HPSE2: variants seen among roughly 807,000 people sequenced by gnomAD.
HPSE2 encodes the protein heparanase 2 (inactive).
A neutral mutation model predicts 60.5 loss-of-function variants in HPSE2; 38 were observed. That is an observed-to-expected ratio of 0.63 (90% CI 0.48 to 0.82). HPSE2 has a LOEUF of 0.82. Among genes scored for constraint, HPSE2 ranks in the 40% least tolerant of loss-of-function variants. The pLI, the probability that HPSE2 is intolerant of heterozygous loss-of-function variation, is 0.00. For synonymous variants in HPSE2, 295 were observed against 293.2 expected (o/e 1.01, Z -0.06); for missense variants, 713 against 740.4 (o/e 0.96, Z 0.43).
chr10:99,033,262 G>A (rs1957537473), intron 3 of HPSE2, among the ~76,000 whole-genome samples: 1 of 151,958 alleles, frequency 6.6e-6, no homozygotes, highest in Non-Finnish European at 1.5e-5. Flanking sequence ...TTTCCTTTTG[G>A]GGGGAGATTA....
At chr10:98,473,825 G>A (rs936559286) in intron 11 of HPSE2, among the ~76,000 whole-genome samples, 1 of 152,200 alleles carries the variant, frequency 6.6e-6, no homozygotes, top group Non-Finnish European at 1.5e-5. Context: ...AATCAGAGCT[G>A]TCTAGTCCTA....
intron 4 of HPSE2, among the ~76,000 whole-genome samples, chr10:98,729,533 T>C (rs1242077971): frequency 2.0e-5 from 3 of 152,130 alleles, no homozygotes; most frequent in Non-Finnish European, 2.9e-5. Flanking sequence ...GGCGTGAACC[T>C]GATAGGTGGA....
At chr10:98,505,740 G>T (rs150456123) in intron 9 of HPSE2, among the ~76,000 whole-genome samples, 1 of 151,994 alleles carries the variant, frequency 6.6e-6, no homozygotes, top group African/African-American at 2.4e-5. Flanking sequence ...ATATTTTTCC[G>T]TATGGATAGT....
chr10:98,925,474 A>C (rs998327167), intron 3 of HPSE2, among the ~76,000 whole-genome samples: 1 of 152,058 alleles, frequency 6.6e-6, no homozygotes, highest in Non-Finnish European at 1.5e-5. Context: ...TTCACACCAA[A>C]GGGAGGCTCC....
chr10:98,848,313 GA>G, intron 3 of HPSE2, among the ~76,000 whole-genome samples: 1 of 152,162 alleles, frequency 6.6e-6, no homozygotes, highest in Middle Eastern at 3.4e-3. Flanking sequence ...AGCTACTCAG[GA>G]AGCTGAGGCA....
chr10:98,705,410 G>A (rs192736529), intron 5 of HPSE2, among the ~76,000 whole-genome samples: 5 of 152,218 alleles, frequency 3.3e-5, no homozygotes, highest in South Asian at 2.1e-4. Context: ...TACTGGGTAC[G>A]CACCCAAAGG....
chr10:98,867,507 C>T (rs977946053), intron 3 of HPSE2, among the ~76,000 whole-genome samples: 2 of 151,932 alleles, frequency 1.3e-5, no homozygotes, highest in East Asian at 1.9e-4. Context: ...CAAATGCTGA[C>T]GAGCATGTAG....
At position 99,053,963 on chromosome 10, in the gene HPSE2, C is replaced by G. The variant is rs4919272; in HGVS notation, c.610+90275G>C. Among the ~76,000 whole-genome samples, 754 of 151,092 alleles carry G rather than the reference C, an allele frequency of 5.0e-3. 6 individuals are homozygous for G. Among genetic ancestry groups the G allele is most frequent in the African/African-American group, 0.017 (684 of 41,028 alleles). ...GTTGCTCAGGCTGGTCTCGAACTCCCGAGCTCAGGCAATCTGCCCGCCTCG... is the reference window on the plus strand; with the variant it reads ...GTTGCTCAGGCTGGTCTCGAACTCCGGAGCTCAGGCAATCTGCCCGCCTCG... On this transcript the variant is annotated intron_variant, in intron 3 of 11. Coordinates refer to ENST00000370552, the MANE Select transcript of HPSE2 (RefSeq NM_021828.5).
chr10:98,537,877 G>C lies in HPSE2; in HGVS notation c.1321-47681C>G, dbSNP rs189580757. 2.1e-4 allele frequency among the ~76,000 whole-genome samples: 32 copies of C among 152,352 alleles called. 1 individual carries two copies. The highest frequency in any genetic ancestry group is 7.7e-4 in the African/African-American group (32 of 41,574). On this transcript the variant is annotated intron_variant, in intron 9 of 11. Coordinates refer to ENST00000370552, the MANE Select transcript of HPSE2 (RefSeq NM_021828.5). ...GGTCACGCTCCTTGTCCACTTTCAT[G>C]TTCCTCCCATACTCCTGGTTCCTCT...
intron 6 of HPSE2, among the ~76,000 whole-genome samples, chr10:98,661,184 T>C (rs1479491197): frequency 6.6e-6 from 1 of 152,166 alleles, no homozygotes; most frequent in Non-Finnish European, 1.5e-5. Context: ...TGGGAAATAA[T>C]TATCTCCTTC....
At chr10:98,565,882 G>A (rs906913263) in intron 9 of HPSE2, among the ~76,000 whole-genome samples, 2 of 151,942 alleles carry the variant, frequency 1.3e-5, no homozygotes, top group African/African-American at 2.4e-5. Context: ...TTGTTTTGCC[G>A]ATGAATAAAT....
At chr10:99,068,688 G>T (rs1039334695) in intron 3 of HPSE2, among the ~76,000 whole-genome samples, 6 of 152,062 alleles carry the variant, frequency 3.9e-5, no homozygotes, top group Admixed American at 6.6e-5. Flanking sequence ...AACATTAAAA[G>T]CTTCTCTAAA....
At chr10:98,803,178 T>C (rs1050640232) in intron 3 of HPSE2, among the ~76,000 whole-genome samples, 2 of 151,540 alleles carry the variant, frequency 1.3e-5, no homozygotes, top group African/African-American at 2.4e-5. Context: ...GTTTGTTTTT[T>C]TCTTGCAAAT....
chr10:98,740,646 C>T (rs1394027394), intron 4 of HPSE2, among the ~76,000 whole-genome samples: 1 of 152,122 alleles, frequency 6.6e-6, no homozygotes, highest in Non-Finnish European at 1.5e-5. Flanking sequence ...AAGAAACAAT[C>T]ACAGAAACTT....
Position 98,947,588 on chromosome 10 carries a change from A to T in HPSE2, c.610+196650T>A, listed in dbSNP as rs1044276571. On this transcript the variant is annotated intron_variant, in intron 3 of 11. Transcript: ENST00000370552. ...GATTTTTGGTGCAGACAAGTGCCAT[A>T]TTCTAGAATAAAATGCCACACAAAG... Among the ~76,000 whole-genome samples the T allele has an allele frequency of 3.3e-5, 5 of 152,276 alleles. No individual in the cohort carries two copies. In the East Asian group the frequency reaches 9.7e-4, roughly 29 times the overall value.
At chr10:99,012,440 T>C (rs571229394) in intron 3 of HPSE2, among the ~76,000 whole-genome samples, 52 of 152,226 alleles carry the variant, frequency 3.4e-4, no homozygotes, top group African/African-American at 1.2e-3. Flanking sequence ...CCTTTTTTTT[T>C]TTAACAAGCA....
intron 3 of HPSE2, among the ~76,000 whole-genome samples, chr10:99,099,009 T>C (rs1589652248): frequency 6.6e-6 from 1 of 152,296 alleles, no homozygotes; most frequent in Non-Finnish European, 1.5e-5. Flanking sequence ...AATAATAGCA[T>C]TCTCGTTCCA....
chr10:98,635,784 G>GA (rs71009705), intron 7 of HPSE2, among the ~76,000 whole-genome samples: 101,432 of 129,684 alleles, frequency 0.78, 42,021 homozygotes, highest in Non-Finnish European at 0.93. Flanking sequence ...CCCATCTCAT[G>GA]AAAAAAAAAA....
chr10:98,714,893 G>GT (rs1948755883), intron 5 of HPSE2, among the ~76,000 whole-genome samples: 1 of 151,742 alleles, frequency 6.6e-6, no homozygotes, highest in Non-Finnish European at 1.5e-5. Context: ...ATGTGAGGTG[G>GT]TATCTCGCTG....
Sources: gnomAD v4.1 joint callset for allele counts (sites outside exome capture counted in the v4.1 genomes callset) on GRCh38, gnomAD v4.1.1 for gene constraint, MANE v1.5 for transcripts, NCBI Gene and HGNC (gene_info 2026-07-23, HGNC 2026-07-21) for gene names.